The following XPA variants were observed in gnomAD, a reference collection of about 807,000 sequenced individuals.
The protein encoded by XPA is DNA repair protein complementing XP-A cells.
XPA carries 27 observed loss-of-function variants against 35.7 expected under a neutral mutation model. The observed-to-expected ratio is 0.76, with a 90% confidence interval of 0.56 to 1.04. The LOEUF (loss-of-function observed/expected upper bound fraction) is 1.04, where lower values mean the gene tolerates loss of function less well. XPA is among the 50% of genes least tolerant of loss of function. XPA has a pLI of 0.00. For synonymous variants in XPA, 133 were observed against 118.4 expected, an observed-to-expected ratio of 1.12 and a Z score of -0.80; for missense variants, 354 against 342.7, an observed-to-expected ratio of 1.03 and a Z score of -0.26.
chr9:97,688,251 C>A (rs1828779944), intron 3 of XPA, among the ~76,000 whole-genome samples: 1 of 152,156 alleles, frequency 6.6e-6, no homozygotes, highest in African/African-American at 2.4e-5. Flanking sequence ...TTTCTAGCTT[C>A]TAGAGGCCAC....
chr9:97,654,743 A>T, the XPA span: 1 of 795,628 alleles, frequency 1.3e-6, no homozygotes, highest in East Asian at 2.7e-5. Flanking sequence ...AAAAACAAAA[A>T]CAAGATTGAT....
At position 97,675,066 on chromosome 9, in the gene XPA, C is replaced by A; in HGVS notation, c.*373G>T. ...GCACCACCATTGCTATTATTTGTTT[C>A]TTGGTTAAGAATCCAGTTCAGCCTT... On this transcript the variant is annotated 3_prime_UTR_variant, in exon 6 of 6. Coordinates refer to ENST00000375128, the MANE Select transcript of XPA (RefSeq NM_000380.4). The A allele has an allele frequency of 3.7e-6, 2 of 535,116 alleles. No homozygotes were observed. The highest frequency in any genetic ancestry group is 7.2e-6 in the Non-Finnish European group (2 of 277,344). The allele number at this position is 535,116 out of a possible 1,614,324, so 33.1% of individuals were successfully genotyped here.
chr9:97,663,439 G>T, the XPA span, among the ~76,000 whole-genome samples: 1 of 151,936 alleles, frequency 6.6e-6, no homozygotes, highest in Non-Finnish European at 1.5e-5. Flanking sequence ...TAACTTCTGG[G>T]GTTCATTGAA....
chr9:97,667,862 T>C, the XPA span, among the ~76,000 whole-genome samples: 13 of 152,304 alleles, frequency 8.5e-5, no homozygotes, highest in East Asian at 9.6e-4. Context: ...ATTGGCCCCA[T>C]TGAAGAAAGG....
the XPA span, among the ~76,000 whole-genome samples, chr9:97,660,653 A>T: frequency 1.3e-5 from 2 of 152,178 alleles, no homozygotes; most frequent in African/African-American, 4.8e-5. Flanking sequence ...TTTTCTCCTT[A>T]CCATTCATCT....
intron 4 of XPA, among the ~76,000 whole-genome samples, chr9:97,686,036 A>C (rs1033839639): frequency 2.6e-4 from 39 of 152,246 alleles, no homozygotes; most frequent in African/African-American, 9.2e-4. Context: ...GCGGCATTTA[A>C]AAATATTTAA....
intron 5 of XPA, among the ~76,000 whole-genome samples, chr9:97,684,126 A>G (rs1454672209): frequency 6.6e-6 from 1 of 152,172 alleles, no homozygotes; most frequent in African/African-American, 2.4e-5. Flanking sequence ...GTTCATCACT[A>G]TCATGGTACC....
At chr9:97,670,656 T>A (rs891043998), downstream of XPA, among the ~76,000 whole-genome samples, 1 of 152,234 alleles carries the variant, frequency 6.6e-6, no homozygotes, top group African/African-American at 2.4e-5. Flanking sequence ...TCATGGCTTA[T>A]AGAGGAACAC....
Position 97,675,464 on chromosome 9 carries a change from T to G in XPA, c.797A>C (p.His266Pro). The change falls in exon 6 of 6, where the codon CAT becomes CCT. Residue 266 changes from histidine (H) to proline (P), a missense_variant. Transcript: ENST00000375128. ...TCACATTTTTTCATATGTCAGTTCA[T>G]GGCCACACATAGTACAAGTCTTACG... is the stretch of plus-strand genomic sequence containing the variant. ...MYRKTCTMCG[H>P]ELTYEKM The G allele has an allele frequency of 6.2e-7, 1 of 1,613,930 alleles. No homozygotes were observed.
chr9:97,675,899 G>A (rs925708250), intron 5 of XPA: 7 of 369,726 alleles, frequency 1.9e-5, no homozygotes, highest in Non-Finnish European at 3.5e-5. Flanking sequence ...TAACACAATA[G>A]GACACATTCA....
the XPA span, chr9:97,658,840 T>A: frequency 2.2e-6 from 2 of 925,548 alleles, no homozygotes; most frequent in South Asian, 2.8e-5. Context: ...CTTTTTCTTT[T>A]CTTGGGGTTT....
At chr9:97,683,850 C>CCTTGT (rs1554700883) in intron 5 of XPA, among the ~76,000 whole-genome samples, 15 of 152,070 alleles carry the variant, frequency 9.9e-5, no homozygotes, top group African/African-American at 3.6e-4. Context: ...AGACATCTGA[C>CCTTGT]CTTATTCACT....
chr9:97,664,467 C>A, the XPA span: 1 of 1,478,924 alleles, frequency 6.8e-7, no homozygotes. Flanking sequence ...TTTTATGAAA[C>A]TTGTGTTCCC....
the XPA span, chr9:97,658,881 ATTAGCCACTGT>A: frequency 1.5e-6 from 1 of 667,630 alleles, no homozygotes; most frequent in Admixed American, 2.5e-5. Flanking sequence ...GTGGTCTATC[ATTAGCCACTGT>A]TTTATTTGCC....
At chr9:97,695,940 T>C (rs1454296366) in intron 1 of XPA, among the ~76,000 whole-genome samples, 1 of 152,212 alleles carries the variant, frequency 6.6e-6, no homozygotes, top group African/African-American at 2.4e-5. Flanking sequence ...ATTTTGCACC[T>C]TCCGTTCCAC....
At chr9:97,686,279 C>A (rs2131395246) in intron 4 of XPA, among the ~76,000 whole-genome samples, 1 of 152,222 alleles carries the variant, frequency 6.6e-6, no homozygotes, top group East Asian at 1.9e-4. Flanking sequence ...ATACAAGAGG[C>A]TGCTTGTGAC....
chr9:97,666,162 A>G, the XPA span, among the ~76,000 whole-genome samples: 1 of 152,218 alleles, frequency 6.6e-6, no homozygotes, highest in African/African-American at 2.4e-5. Flanking sequence ...TTTTTAAAAG[A>G]AAAACACTTA....
Position 97,675,575 on chromosome 9 carries a change from G to A in XPA, c.686C>T (p.Ala229Val). 6.2e-7 allele frequency: 1 copy of A among 1,613,650 alleles called. No homozygotes were observed. The highest frequency in any genetic ancestry group is 8.5e-7 in the Non-Finnish European group (1 of 1,179,882). The change falls in exon 6 of 6, where the codon GCA becomes GTA. Residue 229 changes from alanine (A) to valine (V), a missense_variant. By Grantham distance (64) the Ala-to-Val change is moderately conservative. Transcript: ENST00000375128. The part of the protein sequence containing the change: ...FDKKVKELRR[A>V]VRSSVWKRET... ...CCTTTTCCACACGCTGCTTCTTACT[G>A]CTCGCCGCAATTCTGAAAAAAAAAT...
downstream of XPA, among the ~76,000 whole-genome samples, chr9:97,670,715 G>C (rs111337217): frequency 0.025 from 3,787 of 152,228 alleles, 167 homozygotes; most frequent in African/African-American, 0.086. Flanking sequence ...CTGTCAGTCC[G>C]TCTGGCTGCT....
Sources: gnomAD v4.1 joint callset for allele counts (sites outside exome capture counted in the v4.1 genomes callset) on GRCh38, gnomAD v4.1.1 for gene constraint, MANE v1.5 for transcripts, NCBI Gene and HGNC (gene_info 2026-07-23, HGNC 2026-07-21) for gene names.